Variants in UBR4 observed in about 807,000 individuals in gnomAD.
The protein encoded by UBR4 is ubiquitin protein ligase E3 component n-recognin 4.
In UBR4, 124 loss-of-function variants were observed where a neutral mutation model predicts 575.6. The ratio of observed to expected loss-of-function variants is 0.22; its 90% CI spans 0.19 to 0.25. The LOEUF (loss-of-function observed/expected upper bound fraction) is 0.25. Ranked by LOEUF, UBR4 falls within the 10% of genes least tolerant of loss-of-function variation. The probability of loss-of-function intolerance (pLI) is 1.00; values close to 1 mark genes in which losing one functional copy is unlikely to be tolerated. For missense variants in UBR4, 4,818 were observed against 6,478.8 expected, an observed-to-expected ratio of 0.74 and a Z score of 8.80; for synonymous variants, 2,455 against 2,473.7, an observed-to-expected ratio of 0.99 and a Z score of 0.22.
intron 103 of UBR4, chr1:19,080,696 T>C (rs1450311909): frequency 6.6e-6 from 1 of 152,198 alleles, no homozygotes; most frequent in Non-Finnish European, 1.5e-5. Flanking sequence ...GTGGTACCCA[T>C]GGGGTCTCCT....
rs2086581553 is a variant in UBR4, at chr1:19,157,284, G to A, written c.5761-359C>T. On this transcript the variant is annotated intron_variant, in intron 40 of 105. Coordinates refer to ENST00000375254, the MANE Select transcript of UBR4 (RefSeq NM_020765.3). The surrounding 1 kb of genome is among the most constrained non-coding windows in gnomAD (Gnocchi z 4.4). The stretch of plus-strand genomic sequence containing the variant: ...ATCCATATTTTCACTTAAAATAAAA[G>A]TTAAAACAACATTAGTGGTGATGGA... 6.6e-6 allele frequency among the ~76,000 whole-genome samples: 1 copy of A among 152,212 alleles called. No homozygotes were observed. Among genetic ancestry groups the A allele is most frequent in the African/African-American group, 2.4e-5 (1 of 41,444 alleles).
At chr1:19,109,574 G>T (rs574776929) in intron 81 of UBR4, among the ~76,000 whole-genome samples, 18 of 152,356 alleles carry the variant, frequency 1.2e-4, no homozygotes, top group African/African-American at 4.3e-4. Context: ...AACTTAGGCA[G>T]ACACCGTTTT....
intron 1 of UBR4, among the ~76,000 whole-genome samples, chr1:19,206,596 A>G (rs1041600278): frequency 6.6e-6 from 1 of 152,128 alleles, no homozygotes; most frequent in Non-Finnish European, 1.5e-5. Flanking sequence ...TTGGCCTCCC[A>G]AAGTGCTGAG....
In UBR4 at chr1:19,157,725, G is replaced by A; in HGVS notation, c.5760+90C>T. 6.6e-7 allele frequency: 1 copy of A among 1,504,506 alleles called. No homozygotes were observed. The highest frequency in any genetic ancestry group is 9.0e-7 in the Non-Finnish European group (1 of 1,112,202). 93.2% of individuals were successfully genotyped at this position (1,504,506 alleles called of 1,614,324 possible). A position where few individuals can be genotyped will look rare whatever the true frequency, so the allele number is the denominator to read the frequency against. ...AACGCAGTGGACTTTTTCCCACAGA[G>A]GGCTAATCCGAATGTGGTCATCAAT... On this transcript the variant is annotated intron_variant, in intron 40 of 105. Coordinates refer to ENST00000375254, the MANE Select transcript of UBR4 (RefSeq NM_020765.3). This position sits in a 1 kb window ranked among gnomAD's most constrained non-coding sequence, Gnocchi z 4.4.
chr1:19,148,501 G>A (rs2150190257), intron 50 of UBR4, 62 bp downstream of exon 50: 2 of 1,599,176 alleles, frequency 1.3e-6, no homozygotes, highest in South Asian at 2.2e-5. Context: ...AGGGCCTCGG[G>A]CAACTCCACT....
intron 105 of UBR4, 49 bp downstream of exon 105, chr1:19,076,691 T>TGG (rs781427975): frequency 6.2e-7 from 1 of 1,613,020 alleles, no homozygotes; most frequent in Non-Finnish European, 8.5e-7. Flanking sequence ...GAGGAAGACA[T>TGG]GGGGCTTTGC....
At chr1:19,145,405 C>T (rs2084701220) in intron 53 of UBR4, among the ~76,000 whole-genome samples, 1 of 152,056 alleles carries the variant, frequency 6.6e-6, no homozygotes, top group South Asian at 2.1e-4. Flanking sequence ...AAGTTAGAGA[C>T]CAAATAGCTT....
rs566234065 is a variant in UBR4, at chr1:19,111,367, G to A, written c.11802-535C>T. ...CAAGACCCTATGGGATCTGGCCCTC[G>A]CACCCTCTGACCTAAGCCTCCTCCC... is the stretch of plus-strand genomic sequence containing the variant. On this transcript the variant is annotated intron_variant, in intron 78 of 105. Transcript: ENST00000375254. Among the ~76,000 whole-genome samples, 46 of 152,260 alleles carry A rather than the reference G, an allele frequency of 3.0e-4. No homozygotes were observed. In the Middle Eastern group the frequency reaches 0.01, roughly 34 times the overall value.
chr1:19,115,359 T>A, intron 74 of UBR4, 39 bp downstream of exon 74: 1 of 1,599,090 alleles, frequency 6.3e-7, no homozygotes, highest in Non-Finnish European at 8.5e-7. Context: ...TAACAAGGAA[T>A]GTGCACAGCC....
chr1:19,187,687 T>A (rs1255805094), intron 11 of UBR4, 147 bp from the exon 12 acceptor site: 20 of 656,558 alleles, frequency 3.0e-5, no homozygotes, highest in Non-Finnish European at 5.2e-5. Context: ...CATACATACA[T>A]CTGCATATAA....
chr1:19,202,681 G>A (rs2092801416), intron 1 of UBR4, among the ~76,000 whole-genome samples: 1 of 152,080 alleles, frequency 6.6e-6, no homozygotes, highest in Non-Finnish European at 1.5e-5. Context: ...CTTAGCTGGG[G>A]AAATGCCCTC....
chr1:19,143,189 G>A (rs1240401732), intron 55 of UBR4, among the ~76,000 whole-genome samples: 2 of 146,572 alleles, frequency 1.4e-5, no homozygotes, highest in Non-Finnish European at 3.0e-5. Flanking sequence ...AAAAAAGAAA[G>A]AAAGGAAGGA....
rs891020345 is a variant in UBR4, at chr1:19,112,757, G to A, written c.11568C>T (p.Tyr3856=). 6.2e-7 allele frequency: 1 copy of A among 1,614,106 alleles called. No individual in the cohort carries two copies. Among genetic ancestry groups the A allele is most frequent in the Non-Finnish European group, 8.5e-7 (1 of 1,180,034 alleles). Residue 3856 remains tyrosine (Y), a synonymous_variant, in exon 78 of 106, where the codon TAC becomes TAT. Transcript: ENST00000375254. ...SVQPTFTASQ[Y]RALSVLGCGH... Reference sequence around the variant, plus strand: ...CACAGCCCAGGACGGATAAGGCACGGTACTGGCTGGCAGTGAATGTGGGCT... The same window carrying A: ...CACAGCCCAGGACGGATAAGGCACGATACTGGCTGGCAGTGAATGTGGGCT...
rs1244452551 is a variant in UBR4, at chr1:19,181,841, G to C, written c.2184+1970C>G. ...TTTACCATTTCAACCATTTTTACAT[G>C]AACAGTTCTGTGGCATTAAGCACAT... is the stretch of plus-strand genomic sequence containing the variant. On this transcript the variant is annotated intron_variant, in intron 17 of 105. Transcript: ENST00000375254. 2.0e-5 allele frequency among the ~76,000 whole-genome samples: 3 copies of C among 152,196 alleles called. 1 individual carries two copies. The South Asian group carries it at 6.2e-4, about 32-fold the overall frequency.
Position 19,153,198 on chromosome 1 carries a change from C to CA in UBR4, c.6832+102dup. 1.5e-6 allele frequency: 2 copies of CA among 1,293,192 alleles called. No individual in the cohort carries two copies. Among genetic ancestry groups the CA allele is most frequent in the Non-Finnish European group, 1.1e-6 (1 of 914,446 alleles). The allele number at this position is 1,293,192 out of a possible 1,614,324, so 80.1% of individuals were successfully genotyped here. ...AACTTTACAAAATGTGCAAGTAGGA[C>CA]AGTCACATTTCTTCACAGATATTTT... On this transcript the variant is annotated intron_variant, in intron 46 of 105. Transcript: ENST00000375254. This position sits in a 1 kb window ranked among gnomAD's most constrained non-coding sequence, Gnocchi z 4.1.
In UBR4 at chr1:19,089,018, G is replaced by A. The variant is rs1184053377; in HGVS notation, c.14212-41C>T. On this transcript the variant is annotated intron_variant, in intron 97 of 105. Coordinates refer to ENST00000375254, the MANE Select transcript of UBR4 (RefSeq NM_020765.3). This position sits in a 1 kb window ranked among gnomAD's most constrained non-coding sequence, Gnocchi z 4.3. ...CAGAGAGACACATGCCTCCAATTAT[G>A]TAGACAAACCTTCTTCCCGGGAGCT... The A allele has an allele frequency of 6.3e-7, 1 of 1,597,690 alleles. No homozygotes were observed. Among genetic ancestry groups the A allele is most frequent in the East Asian group, 2.2e-5 (1 of 44,562 alleles).
chr1:19,092,641 A>AT lies in UBR4; in HGVS notation c.14211+177dup, dbSNP rs1157098436. 1.1e-5 allele frequency: 6 copies of AT among 524,736 alleles called. No individual in the cohort carries two copies. In the East Asian group the frequency reaches 1.6e-4, roughly 14 times the overall value. The allele number at this position is 524,736 out of a possible 1,614,324, so 32.5% of individuals were successfully genotyped here. ...GAAGCCCCACTTAAGAATGAGTTGA[A>AT]TGAGGAAATCACAAATACAACTTAC... On this transcript the variant is annotated intron_variant, in intron 97 of 105. Transcript: ENST00000375254.
chr1:19,113,566 C>T (rs2080151398), intron 77 of UBR4, 133 bp downstream of exon 77: 1 of 1,393,178 alleles, frequency 7.2e-7, no homozygotes, highest in African/African-American at 1.4e-5. Flanking sequence ...CATCTGCCTG[C>T]CTTTTCAGCT....
intron 38 of UBR4, 49 bp downstream of exon 38, chr1:19,160,868 A>G (rs1280789381): frequency 6.3e-7 from 1 of 1,577,516 alleles, no homozygotes. Context: ...CACCAATTCA[A>G]CAGGCTCTGA....
Sources: allele counts gnomAD v4.1 joint callset (sites outside exome capture counted in the v4.1 genomes callset), GRCh38; gene constraint gnomAD v4.1.1; non-coding constraint Gnocchi (gnomAD v3.1); transcripts MANE v1.5; gene names NCBI Gene and HGNC (gene_info 2026-07-23, HGNC 2026-07-21).